The following NACAD variants were observed in gnomAD, a reference collection of about 807,000 sequenced individuals.
The protein encoded by NACAD is NAC-alpha domain-containing protein 1.
Under a neutral mutation model 98.9 loss-of-function variants are expected in NACAD, and 47 were observed. That is an observed-to-expected ratio of 0.48 (90% confidence interval 0.38 to 0.61). The LOEUF is 0.61. Among genes scored for constraint, NACAD ranks in the 20% least tolerant of loss-of-function variants. The probability of loss-of-function intolerance (pLI) is 0.00; values close to 1 mark genes in which losing one functional copy is unlikely to be tolerated. For synonymous variants in NACAD, 696 were observed against 767.2 expected (o/e 0.91, Z 1.53); for missense variants, 1,412 against 1,748.2 (o/e 0.81, Z 3.43).
In NACAD at chr7:45,083,345, A is replaced by G; in HGVS notation, c.2835T>C (p.Pro945=). 1 of 1,551,264 alleles carries G rather than the reference A, an allele frequency of 6.4e-7. No homozygotes were observed. The highest frequency in any genetic ancestry group is 1.2e-5 in the South Asian group (1 of 84,064). Residue 945 remains proline, a synonymous_variant, in exon 2 of 8, where the codon CCT becomes CCC. Coordinates refer to ENST00000490531, the MANE Select transcript of NACAD (RefSeq NM_001146334.2). Reference sequence around the variant, plus strand: ...AGCCTGCTTCTGCCTGCAAGGTTTGAGGGGTGGCCACAGCCAGAGGCTCTG... The same window carrying G: ...AGCCTGCTTCTGCCTGCAAGGTTTGGGGGGTGGCCACAGCCAGAGGCTCTG... ...SGPEPLAVAT[P]QTLQAEAGCA...
intron 4 of NACAD, 161 bp downstream of exon 4, chr7:45,081,440 G>T (rs1784429056): frequency 8.1e-7 from 1 of 1,238,512 alleles, no homozygotes; most frequent in Non-Finnish European, 1.1e-6. Context: ...TGACATTCCA[G>T]CCTCAGCTGT....
rs1235270705 is a variant in NACAD at position 45,083,006 on chromosome 7, C to T, written c.3174G>A (p.Ala1058=). ...PGREACLEAR[A]HTGDGAKPDS... ...CAGGCTTAGCCCCATCACCTGTGTG[C>T]GCTCGCGCTTCCAGACATGCTTCCC... Residue 1058 remains alanine, a synonymous_variant, in exon 2 of 8, where the codon GCG becomes GCA. Transcript: ENST00000490531. 1.6e-5 allele frequency: 25 copies of T among 1,550,928 alleles called. No homozygotes were observed. Among genetic ancestry groups the T allele is most frequent in the Middle Eastern group, 1.7e-4 (1 of 5,992 alleles).
In NACAD at chr7:45,083,117, G is replaced by A. The variant is rs1289137259; in HGVS notation, c.3063C>T (p.Ser1021=). 6.4e-7 allele frequency: 1 copy of A among 1,550,698 alleles called. No homozygotes were observed. The highest frequency in any genetic ancestry group is 2.4e-5 in the East Asian group (1 of 40,938). Residue 1021 remains serine, a synonymous_variant, in exon 2 of 8, where the codon TCC becomes TCT. Transcript: ENST00000490531. The stretch of plus-strand genomic sequence containing the variant: ...GACTGAGGGCCTCCATGCCCAAAGT[G>A]GAATCCGCATCTTCCTGTGCGGCCC... The part of the protein sequence containing the change: ...TPWAAQEDAD[S]TLGMEALSLP...
In NACAD at chr7:45,084,541, G is replaced by T; in HGVS notation, c.1639C>A (p.Pro547Thr). Reference protein sequence around the residue: ...GQESVTAEKLPTPQEETSLTL... With the variant: ...GQESVTAEKLTTPQEETSLTL... ...AGGCTTGTTTCTTCCTGTGGAGTTGGAAGTTTTTCTGCAGTGACAGACTCT... is the reference window on the plus strand; with the variant it reads ...AGGCTTGTTTCTTCCTGTGGAGTTGTAAGTTTTTCTGCAGTGACAGACTCT... Residue 547 changes from proline to threonine, a missense_variant, in exon 2 of 8, where the codon CCA becomes ACA. This residue lies in a region of NACAD where 638 missense variants were observed against 722.7 expected (regional missense o/e 0.88). Coordinates refer to ENST00000490531, the MANE Select transcript of NACAD (RefSeq NM_001146334.2). The T allele has an allele frequency of 6.4e-7, 1 of 1,552,240 alleles. No individual in the cohort carries two copies. The highest frequency in any genetic ancestry group is 8.7e-7 in the Non-Finnish European group (1 of 1,147,114).
In NACAD at chr7:45,083,112, A is replaced by T; in HGVS notation, c.3068T>A (p.Leu1023Ter). The T allele has an allele frequency of 6.4e-7, 1 of 1,550,786 alleles. No homozygotes were observed. Among genetic ancestry groups the T allele is most frequent in the Non-Finnish European group, 8.7e-7 (1 of 1,147,000 alleles). ...WAAQEDADST[L>*]GMEALSLPEP... ...AGGGAGACTGAGGGCCTCCATGCCC[A>T]AAGTGGAATCCGCATCTTCCTGTGC... Residue 1023 changes from leucine (L) to a stop codon, truncating the protein, a stop_gained, in exon 2 of 8, where the codon TTG becomes TAG. Coordinates refer to ENST00000490531, the MANE Select transcript of NACAD (RefSeq NM_001146334.2). LOFTEE classifies it high-confidence loss of function.
chr7:45,088,961 G>A lies in NACAD; in HGVS notation c.-67C>T, dbSNP rs569782623. On this transcript the variant is annotated 5_prime_UTR_variant, in exon 1 of 8. Coordinates refer to ENST00000490531, the MANE Select transcript of NACAD (RefSeq NM_001146334.2). This position sits in a 1 kb window ranked among gnomAD's most constrained non-coding sequence, Gnocchi z 5.7. ...CTCCGTCAGTCCGTGCCGCCGCCCC[G>A]CCGAGCCTGCGCGGCCACCGCCCCT... The A allele has an allele frequency of 5.7e-6, 7 of 1,227,790 alleles. No individual in the cohort carries two copies. The highest frequency in any genetic ancestry group is 5.8e-5 in the South Asian group (2 of 34,648). The allele number at this position is 1,227,790 out of a possible 1,614,324, so 76.1% of individuals were successfully genotyped here. A position where few individuals can be genotyped will look rare whatever the true frequency, so the allele number is the denominator to read the frequency against.
intron 7 of NACAD, 22 bp from the exon 8 acceptor site, chr7:45,080,545 T>C (rs908355505): frequency 1.4e-4 from 219 of 1,551,324 alleles, no homozygotes; most frequent in Non-Finnish European, 1.8e-4. Context: ...GATGGTCATG[T>C]TGGGGGAAGC....
Position 45,082,141 on chromosome 7 carries a change from C to A in NACAD, c.4039G>T (p.Glu1347Ter). ...PAGPQGLSAPEQQEDEDSLEE... is the reference protein window; with the variant it reads ...PAGPQGLSAP ...AGGCTGTCCTCATCCTCTTGCTGCT[C>A]GGGGGCTGAGAGCCCTTGAGGGCCA... Residue 1347 changes from glutamate to a stop codon, truncating the protein, a stop_gained, in exon 2 of 8, where the codon GAG becomes TAG. Transcript: ENST00000490531. LOFTEE classifies it high-confidence loss of function. This position sits in a 1 kb window ranked among gnomAD's most constrained non-coding sequence, Gnocchi z 4.5. The A allele has an allele frequency of 6.7e-7, 1 of 1,485,616 alleles. No individual in the cohort carries two copies. The allele number at this position is 1,485,616 out of a possible 1,614,324, so 92.0% of individuals were successfully genotyped here.
In NACAD at chr7:45,082,040, G is replaced by T; in HGVS notation, c.4072+68C>A. The T allele has an allele frequency of 6.8e-7, 1 of 1,465,696 alleles. No individual in the cohort carries two copies. The allele number at this position is 1,465,696 out of a possible 1,614,324, so 90.8% of individuals were successfully genotyped here. ...GCCACCTCAGAGGCCCTCCAGCTCA[G>T]GACAGCTCTAAGGAGGAGTCCAGTT... On this transcript the variant is annotated intron_variant, in intron 2 of 7. Transcript: ENST00000490531. This position sits in a 1 kb window ranked among gnomAD's most constrained non-coding sequence, Gnocchi z 4.5.
rs146670050 is a variant in NACAD at position 45,081,064 on chromosome 7, C to A, written c.4405-42G>T. Reference sequence around the variant, plus strand: ...AGCTGTGTCAGTAGAGCCTGTCCCCCCCTTGTCCCCTATCCCTCGGATCCC... The same window carrying A: ...AGCTGTGTCAGTAGAGCCTGTCCCCACCTTGTCCCCTATCCCTCGGATCCC... On this transcript the variant is annotated intron_variant, in intron 5 of 7. Transcript: ENST00000490531. The A allele has an allele frequency of 6.2e-4, 955 of 1,550,892 alleles. 2 individuals carry two copies. Among genetic ancestry groups the A allele is most frequent in the Non-Finnish European group, 7.1e-4 (811 of 1,146,494 alleles).
chr7:45,084,880 G>A lies in NACAD; in HGVS notation c.1300C>T (p.Leu434=), dbSNP rs1784489844. ...EEESGGGAKG[L]QAQDGTVSWA... is the part of the protein sequence containing the mutation. ...GACACAGTCCCATCCTGAGCCTGCA[G>A]CCCCTTGGCCCCACCTCCGCTCTCC... Residue 434 remains leucine, a synonymous_variant, in exon 2 of 8, where the codon CTG becomes TTG. Transcript: ENST00000490531. The A allele has an allele frequency of 1.9e-6, 3 of 1,550,882 alleles. 1 individual carries two copies. Among genetic ancestry groups the A allele is most frequent in the South Asian group, 2.4e-5 (2 of 84,052 alleles).
chr7:45,082,168 C>T lies in NACAD; in HGVS notation c.4012G>A (p.Ala1338Thr). The T allele has an allele frequency of 6.6e-7, 1 of 1,508,644 alleles. No homozygotes were observed. Among genetic ancestry groups the T allele is most frequent in the East Asian group, 2.5e-5 (1 of 40,554 alleles). 93.5% of individuals were successfully genotyped at this position (1,508,644 alleles called of 1,614,324 possible). The change falls in exon 2 of 8, where the codon GCT (alanine) becomes ACT (threonine). Residue 1338 changes from alanine (A) to threonine (T), a missense_variant. Ala to Thr is a moderately conservative substitution (Grantham distance 58). Transcript: ENST00000490531. This position sits in a 1 kb window ranked among gnomAD's most constrained non-coding sequence, Gnocchi z 4.5. ...GGGGCTGAGAGCCCTTGAGGGCCAG[C>T]TGGGCTCTGGGGCCCAGAGGGAGGA... is the stretch of plus-strand genomic sequence containing the variant. The part of the protein sequence containing the change: ...VPPPSGPQSP[A>T]GPQGLSAPEQ...
chr7:45,086,625 T>C (rs1784526894), intron 1 of NACAD, among the ~76,000 whole-genome samples: 1 of 152,198 alleles, frequency 6.6e-6, no homozygotes, highest in Non-Finnish European at 1.5e-5. Context: ...CTCTGCCTCC[T>C]CTCTCTGCTG....
Position 45,083,385 on chromosome 7 carries a change from C to T in NACAD, c.2795G>A (p.Gly932Asp). Reference sequence around the variant, plus strand: ...CAGAGGCTCTGGACCTGAGGTGGGGCCTGTGTCTTGCAGAGGCAGAGGTGC... The same window carrying T: ...CAGAGGCTCTGGACCTGAGGTGGGGTCTGTGTCTTGCAGAGGCAGAGGTGC... ...MTAPLPLQDT[G>D]PTSGPEPLAV... Residue 932 changes from glycine to aspartate, a missense_variant, in exon 2 of 8, where the codon GGC (glycine) becomes GAC (aspartate). By Grantham distance (94) the Gly-to-Asp change is moderately conservative. Transcript: ENST00000490531. 6.4e-7 allele frequency: 1 copy of T among 1,551,300 alleles called. No homozygotes were observed. Among genetic ancestry groups the T allele is most frequent in the Middle Eastern group, 1.7e-4 (1 of 5,852 alleles).
rs1562928413 is a variant in NACAD, at chr7:45,084,886, T to C, written c.1294A>G (p.Lys432Glu). Residue 432 changes from lysine (K) to glutamate (E), a missense_variant, in exon 2 of 8, where the codon AAG (lysine) becomes GAG (glutamate). Transcript: ENST00000490531. ...KTEEESGGGAKGLQAQDGTVS... is the reference protein window; with the variant it reads ...KTEEESGGGAEGLQAQDGTVS... Reference sequence around the variant, plus strand: ...GTCCCATCCTGAGCCTGCAGCCCCTTGGCCCCACCTCCGCTCTCCTCCTCT... The same window carrying C: ...GTCCCATCCTGAGCCTGCAGCCCCTCGGCCCCACCTCCGCTCTCCTCCTCT... 1.9e-6 allele frequency: 3 copies of C among 1,550,908 alleles called. No homozygotes were observed. Among genetic ancestry groups the C allele is most frequent in the Middle Eastern group, 1.7e-4 (1 of 6,014 alleles).
At position 45,083,319 on chromosome 7, in the gene NACAD, C is replaced by T. The variant is rs1481278563; in HGVS notation, c.2861G>A (p.Cys954Tyr). 5.8e-6 allele frequency: 9 copies of T among 1,551,098 alleles called. No individual in the cohort carries two copies. The highest frequency in any genetic ancestry group is 7.0e-6 in the Non-Finnish European group (8 of 1,147,004). ...TPQTLQAEAGCAPGTEPVATM... is the reference protein window; with the variant it reads ...TPQTLQAEAGYAPGTEPVATM... ...GGCCACAGGCTCTGTCCCTGGGGCA[C>T]AGCCTGCTTCTGCCTGCAAGGTTTG... The change falls in exon 2 of 8, where the codon TGT becomes TAT. Residue 954 changes from cysteine to tyrosine, a missense_variant. Transcript: ENST00000490531.
chr7:45,080,456 T>C lies in NACAD; in HGVS notation c.*53A>G. Reference sequence around the variant, plus strand: ...GGGCAATGAAGGGACACCGATTTATTGAGTAGCAGAGCTGAGGGAAGGCGT... The same window carrying C: ...GGGCAATGAAGGGACACCGATTTATCGAGTAGCAGAGCTGAGGGAAGGCGT... On this transcript the variant is annotated 3_prime_UTR_variant, in exon 8 of 8. Coordinates refer to ENST00000490531, the MANE Select transcript of NACAD (RefSeq NM_001146334.2). The C allele has an allele frequency of 6.4e-7, 1 of 1,551,168 alleles. No homozygotes were observed. Among genetic ancestry groups the C allele is most frequent in the Non-Finnish European group, 8.7e-7 (1 of 1,146,714 alleles).
Position 45,082,714 on chromosome 7 carries a change from A to G in NACAD, c.3466T>C (p.Ser1156Pro). Reference sequence around the variant, plus strand: ...TCCAGACTGGACACAGCCCCTACTGAAGACTCTGGGCAGGAGTCCAGACTG... The same window carrying G: ...TCCAGACTGGACACAGCCCCTACTGGAGACTCTGGGCAGGAGTCCAGACTG... ...EASLDSCPES[S>P]VGAVSSLDRG... The change falls in exon 2 of 8, where the codon TCA becomes CCA. Residue 1156 changes from serine to proline, a missense_variant. Around this residue, in one of 5 missense-constraint regions of NACAD, gnomAD observed 572 missense variants for 639.6 expected, o/e 0.89. Coordinates refer to ENST00000490531, the MANE Select transcript of NACAD (RefSeq NM_001146334.2). This position sits in a 1 kb window ranked among gnomAD's most constrained non-coding sequence, Gnocchi z 4.5. The G allele has an allele frequency of 2.6e-6, 4 of 1,527,078 alleles. No homozygotes were observed. Among genetic ancestry groups the G allele is most frequent in the Non-Finnish European group, 3.5e-6 (4 of 1,135,270 alleles). 94.6% of individuals were successfully genotyped at this position (1,527,078 alleles called of 1,614,324 possible). A position where few individuals can be genotyped will look rare whatever the true frequency, so the allele number is the denominator to read the frequency against.
Position 45,081,886 on chromosome 7 carries a change from G to A in NACAD, c.4073-19C>T. Reference sequence around the variant, plus strand: ...GGCGAGTCTGGGGAAGGGGAGAGGTGTGAGGATGGCCTTTTGCTTCTAGGT... The same window carrying A: ...GGCGAGTCTGGGGAAGGGGAGAGGTATGAGGATGGCCTTTTGCTTCTAGGT... On this transcript the variant is annotated intron_variant, in intron 2 of 7. Coordinates refer to ENST00000490531, the MANE Select transcript of NACAD (RefSeq NM_001146334.2). 2.6e-6 allele frequency: 4 copies of A among 1,540,012 alleles called. No homozygotes were observed. Among genetic ancestry groups the A allele is most frequent in the Non-Finnish European group, 2.6e-6 (3 of 1,145,346 alleles).
Sources: gnomAD v4.1 joint callset for allele counts (sites outside exome capture counted in the v4.1 genomes callset) on GRCh38, gnomAD v4.1.1 for gene constraint, gnomAD v4.1.1 regional missense constraint, Gnocchi (gnomAD v3.1) non-coding constraint, MANE v1.5 for transcripts, NCBI Gene and HGNC (gene_info 2026-07-23, HGNC 2026-07-21) for gene names.